SSBP2: variants seen among roughly 807,000 people sequenced by gnomAD.
The protein encoded by SSBP2 is single-stranded DNA-binding protein 2.
Under a neutral mutation model 61.8 loss-of-function variants are expected in SSBP2, and 17 were observed. The ratio of observed to expected loss-of-function variants is 0.28; its 90% CI spans 0.19 to 0.41. SSBP2 has a LOEUF of 0.41. Ranked by LOEUF, SSBP2 falls within the 10% of genes least tolerant of loss-of-function variation. The pLI is 1.00. For synonymous variants in SSBP2, 139 were observed against 141.3 expected, an observed-to-expected ratio of 0.98 and a Z score of 0.12; for missense variants, 310 against 458.7, an observed-to-expected ratio of 0.68 and a Z score of 2.96.
intron 2 of SSBP2, among the ~76,000 whole-genome samples, chr5:81,646,872 G>A (rs1478847854): frequency 6.6e-6 from 1 of 151,894 alleles, no homozygotes; most frequent in Admixed American, 6.6e-5. Flanking sequence ...CTAAGGTGGA[G>A]AGGGGAGGAG....
intron 15 of SSBP2, among the ~76,000 whole-genome samples, chr5:81,434,745 T>C (rs914545381): frequency 4.1e-5 from 6 of 147,326 alleles, no homozygotes; most frequent in Non-Finnish European, 8.9e-5. Flanking sequence ...AAATGAATGA[T>C]AATGAAATGA....
chr5:81,677,128 A>C (rs186116574), intron 1 of SSBP2, among the ~76,000 whole-genome samples: 132 of 152,290 alleles, frequency 8.7e-4, no homozygotes, highest in Non-Finnish European at 2.1e-4. Context: ...CCCAAATTTC[A>C]ATACTCTTTA....
At chr5:81,710,369 T>A (rs1362008816) in intron 1 of SSBP2, among the ~76,000 whole-genome samples, 1 of 152,044 alleles carries the variant, frequency 6.6e-6, no homozygotes, top group African/African-American at 2.4e-5. Flanking sequence ...TCCAAATGAA[T>A]CCCAAAGAAA....
At chr5:81,656,601 A>C (rs1750237422) in intron 1 of SSBP2, among the ~76,000 whole-genome samples, 1 of 152,104 alleles carries the variant, frequency 6.6e-6, no homozygotes, top group Admixed American at 6.6e-5. Flanking sequence ...TTAATATATA[A>C]AGAGCACAAA....
chr5:81,574,839 A>G (rs930858731), intron 4 of SSBP2, among the ~76,000 whole-genome samples: 2 of 152,202 alleles, frequency 1.3e-5, no homozygotes, highest in East Asian at 3.8e-4. Context: ...CAGCAAAAAC[A>G]TCCCCCTCCC....
intron 2 of SSBP2, among the ~76,000 whole-genome samples, chr5:81,649,475 G>A (rs1749552363): frequency 6.6e-6 from 1 of 152,198 alleles, no homozygotes; most frequent in South Asian, 2.1e-4. Flanking sequence ...TTTACAGCAA[G>A]ATGGATTAAG....
At chr5:81,532,576 A>G (rs1474190609) in intron 4 of SSBP2, among the ~76,000 whole-genome samples, 1 of 152,040 alleles carries the variant, frequency 6.6e-6, no homozygotes, top group East Asian at 1.9e-4. Flanking sequence ...AAAATTAAAT[A>G]TAAGTGGTCT....
At chr5:81,750,832 C>T (rs547741057) in intron 1 of SSBP2, 149 bp downstream of exon 1, 5 of 886,572 alleles carry the variant, frequency 5.6e-6, no homozygotes, top group Non-Finnish European at 8.8e-6. Flanking sequence ...CCCCGCACCA[C>T]ACGCCCCCAT....
chr5:81,578,347 C>G (rs1774388679), intron 4 of SSBP2, among the ~76,000 whole-genome samples: 1 of 151,894 alleles, frequency 6.6e-6, no homozygotes, highest in Non-Finnish European at 1.5e-5. Flanking sequence ...ATTCCAAAAT[C>G]CCAGAGAACG....
At chr5:81,551,535 GAAC>G (rs1248708555) in intron 4 of SSBP2, among the ~76,000 whole-genome samples, 2 of 152,068 alleles carry the variant, frequency 1.3e-5, no homozygotes, top group Non-Finnish European at 2.9e-5. Flanking sequence ...GGGAAGGCTT[GAAC>G]AACAAGTGAT....
intron 1 of SSBP2, among the ~76,000 whole-genome samples, chr5:81,748,102 G>A (rs1308075061): frequency 1.3e-5 from 2 of 152,032 alleles, no homozygotes; most frequent in African/African-American, 4.8e-5. Flanking sequence ...ATCTAATACA[G>A]GTAAGCACTT....
intron 4 of SSBP2, among the ~76,000 whole-genome samples, chr5:81,530,830 A>T (rs1264557859): frequency 6.6e-6 from 1 of 152,142 alleles, no homozygotes; most frequent in Non-Finnish European, 1.5e-5. Flanking sequence ...AAACATACAG[A>T]ATCATAATTT....
intron 3 of SSBP2, among the ~76,000 whole-genome samples, chr5:81,627,608 T>C (rs1422002164): frequency 6.6e-6 from 1 of 152,196 alleles, no homozygotes; most frequent in African/African-American, 2.4e-5. Context: ...TACTACAAGA[T>C]TGGACTTTCC....
In SSBP2 at chr5:81,414,418, T is replaced by C. The variant is rs536539672; in HGVS notation, c.*6086A>G. 31 of 152,308 alleles carry C rather than the reference T, an allele frequency of 2.0e-4. No individual in the cohort carries two copies. Among genetic ancestry groups the C allele is most frequent in the Admixed American group, 1.2e-3 (19 of 15,294 alleles). 9.4% of individuals were successfully genotyped at this position (152,308 alleles called of 1,614,324 possible). ...GAGGAAATTCTCCTTGGGACACTTA[T>C]TGAACTGAGGATTTCACTTCATAGT... On this transcript the variant is annotated 3_prime_UTR_variant, in exon 17 of 17. Transcript: ENST00000320672.
At chr5:81,433,115 A>G (rs900310274) in intron 15 of SSBP2, among the ~76,000 whole-genome samples, 15 of 152,008 alleles carry the variant, frequency 9.9e-5, no homozygotes, top group African/African-American at 3.6e-4. Flanking sequence ...TGTACCCAAC[A>G]GCTCATTGAG....
intron 1 of SSBP2, among the ~76,000 whole-genome samples, chr5:81,750,440 C>CCCTCG (rs961978252): frequency 9.7e-5 from 14 of 144,900 alleles, no homozygotes; most frequent in East Asian, 4.0e-4. Context: ...GGCACCGCCG[C>CCCTCG]CCTCGCCTCG....
chr5:81,574,882 C>T (rs1561555199), intron 4 of SSBP2, among the ~76,000 whole-genome samples: 1 of 151,970 alleles, frequency 6.6e-6, no homozygotes, highest in Non-Finnish European at 1.5e-5. Flanking sequence ...TTTTTCCCAA[C>T]AAACAAAAAA....
chr5:81,570,475 T>C (rs1773751309), intron 4 of SSBP2, among the ~76,000 whole-genome samples: 1 of 152,172 alleles, frequency 6.6e-6, no homozygotes, highest in African/African-American at 2.4e-5. Context: ...ATCATAAATA[T>C]ATAACAAGAT....
At chr5:81,555,919 T>C (rs991954777) in intron 4 of SSBP2, among the ~76,000 whole-genome samples, 1 of 152,106 alleles carries the variant, frequency 6.6e-6, no homozygotes, top group African/African-American at 2.4e-5. Flanking sequence ...CAGCAAACTT[T>C]TCCTGAAAAT....
Sources: gnomAD v4.1 joint callset for allele counts (sites outside exome capture counted in the v4.1 genomes callset) on GRCh38, gnomAD v4.1.1 for gene constraint, MANE v1.5 for transcripts, NCBI Gene and HGNC (gene_info 2026-07-23, HGNC 2026-07-21) for gene names.